PKHD1: variants seen among roughly 807,000 people sequenced by gnomAD.
PKHD1 encodes PKHD1 ciliary IPT domain containing fibrocystin/polyductin, also known as fibrocystin.
PKHD1 carries 291 observed loss-of-function variants against 412.0 expected under a neutral mutation model. The ratio of observed to expected loss-of-function variants is 0.71; its 90% CI spans 0.64 to 0.78. The LOEUF (loss-of-function observed/expected upper bound fraction) is 0.78. PKHD1 is among the 30% of genes least tolerant of loss of function. PKHD1 has a pLI of 0.00. For synonymous variants in PKHD1, 1,777 were observed against 1,821.5 expected (o/e 0.98, Z 0.62); for missense variants, 4,825 against 4,950.7 (o/e 0.97, Z 0.76).
At chr6:51,927,916 T>C (rs1024736025) in intron 37 of PKHD1, among the ~76,000 whole-genome samples, 2 of 151,854 alleles carry the variant, frequency 1.3e-5, no homozygotes, top group South Asian at 2.1e-4. Context: ...GGCTTCCACA[T>C]TGAGAAACTG....
At chr6:51,761,741 G>A (rs938733106) in intron 55 of PKHD1, among the ~76,000 whole-genome samples, 3 of 151,840 alleles carry the variant, frequency 2.0e-5, no homozygotes, top group East Asian at 1.9e-4. Context: ...AAAATAAAAC[G>A]AAATAAGTCA....
At chr6:51,934,789 AT>A (rs1787210789) in intron 36 of PKHD1, among the ~76,000 whole-genome samples, 1 of 152,210 alleles carries the variant, frequency 6.6e-6, no homozygotes, top group Non-Finnish European at 1.5e-5. Context: ...ACCAGCATCC[AT>A]TATACTTTCT....
At chr6:51,961,466 G>C in intron 35 of PKHD1, among the ~76,000 whole-genome samples, 1 of 152,052 alleles carries the variant, frequency 6.6e-6, no homozygotes. Context: ...AAAAAGAATA[G>C]GTGATCCAGG....
intron 6 of PKHD1, 99 bp downstream of exon 6, chr6:52,076,177 G>T: frequency 1.2e-6 from 1 of 803,836 alleles, no homozygotes; most frequent in South Asian, 1.4e-5. Context: ...CAAAGAAGAA[G>T]TTAAATTTTC....
Position 51,708,940 on chromosome 6 carries a change from G to C in PKHD1, c.10156+35445C>G, listed in dbSNP as rs147799218. On this transcript the variant is annotated intron_variant, in intron 60 of 66. Transcript: ENST00000371117. ...AGGAGAAAGGGAAGAAAGAGCAGGA[G>C]AAGGAGAAATGAAGACCATTTATGG... Among the ~76,000 whole-genome samples the C allele has an allele frequency of 4.7e-3, 715 of 152,330 alleles. 4 individuals carry two copies. Among genetic ancestry groups the C allele is most frequent in the African/African-American group, 0.016 (681 of 41,582 alleles).
chr6:51,887,396 T>C, intron 43 of PKHD1, 151 bp from the exon 44 acceptor site: 2 of 679,318 alleles, frequency 2.9e-6, no homozygotes, highest in Non-Finnish European at 2.6e-6. Context: ...TATTCTTTTT[T>C]TTTCCTTTTG....
intron 27 of PKHD1, among the ~76,000 whole-genome samples, chr6:52,040,795 T>C (rs1484878112): frequency 6.6e-6 from 1 of 152,206 alleles, no homozygotes; most frequent in Non-Finnish European, 1.5e-5. Context: ...CCAATGACTA[T>C]ACCATCACAA....
In PKHD1 at chr6:52,027,836, G is replaced by A. The variant is rs1581824974; in HGVS notation, c.3621C>T (p.Ser1207=). ...CACATAAGAGCCACTCACCCAGCAG[G>A]GACCCACAGCAAGGCTCGATGCTGA... ...EVFSIEPCCG[S]LLGGTILSIS... is the part of the protein sequence containing the mutation. Residue 1207 remains serine, a synonymous_variant, in exon 31 of 67, where the codon TCC becomes TCT. Transcript: ENST00000371117. 5 of 1,610,036 alleles carry A rather than the reference G, an allele frequency of 3.1e-6. No individual in the cohort carries two copies. The highest frequency in any genetic ancestry group is 1.7e-5 in the Admixed American group (1 of 60,022).
Position 52,006,793 on chromosome 6 carries a change from G to A in PKHD1, c.5751+3516C>T, listed in dbSNP as rs868661588. Among the ~76,000 whole-genome samples, 7 of 152,232 alleles carry A rather than the reference G, an allele frequency of 4.6e-5. No individual in the cohort carries two copies. The East Asian group carries it at 7.7e-4, about 17-fold the overall frequency. On this transcript the variant is annotated intron_variant, in intron 35 of 66. Coordinates refer to ENST00000371117, the MANE Select transcript of PKHD1 (RefSeq NM_138694.4). ...GTGAGATTTTGGTGCATCCATCACC[G>A]GAGCAGTATACACTGAACCCAATTT... is the stretch of plus-strand genomic sequence containing the variant.
intron 32 of PKHD1, 43 bp from the exon 33 acceptor site, chr6:52,022,987 C>T (rs1801630027): frequency 1.2e-6 from 2 of 1,611,334 alleles, no homozygotes; most frequent in Non-Finnish European, 1.7e-6. Flanking sequence ...ACAGGCAAAT[C>T]TCCCTTCTTT....
chr6:51,947,083 C>T (rs1789570081), intron 36 of PKHD1, among the ~76,000 whole-genome samples: 1 of 152,146 alleles, frequency 6.6e-6, no homozygotes, highest in Admixed American at 6.5e-5. Context: ...CTTTTGAACC[C>T]TCCCTGGTCA....
intron 65 of PKHD1, among the ~76,000 whole-genome samples, chr6:51,628,578 T>C (rs1767561656): frequency 1.3e-5 from 2 of 152,200 alleles, no homozygotes; most frequent in Admixed American, 1.3e-4. Context: ...TTTATATTCT[T>C]TTGGGTATAT....
chr6:51,920,329 A>G (rs1486683765), intron 37 of PKHD1, among the ~76,000 whole-genome samples: 3 of 152,216 alleles, frequency 2.0e-5, no homozygotes, highest in African/African-American at 7.2e-5. Flanking sequence ...CAGAGTTTTT[A>G]GATGAAGGGC....
chr6:51,780,258 C>A (rs1791760985), intron 53 of PKHD1, among the ~76,000 whole-genome samples: 1 of 151,968 alleles, frequency 6.6e-6, no homozygotes, highest in South Asian at 2.1e-4. Flanking sequence ...TGGTGCGACG[C>A]ACCTGTAGTC....
intron 64 of PKHD1, among the ~76,000 whole-genome samples, chr6:51,637,747 T>C (rs1768772398): frequency 6.6e-6 from 1 of 151,796 alleles, no homozygotes; most frequent in African/African-American, 2.4e-5. Context: ...CTACTAAAAA[T>C]ACAAAAATTA....
chr6:51,960,027 C>G lies in PKHD1; in HGVS notation c.5752-1G>C. 6.2e-7 allele frequency: 1 copy of G among 1,613,118 alleles called. No individual in the cohort carries two copies. The highest frequency in any genetic ancestry group is 1.1e-5 in the South Asian group (1 of 91,050). ...GGCAGAACTGTAAAGAAAAGTTGCC[C>G]TGGAAAACAGAGAGCTGGGTTGGTG... On this transcript the variant is annotated splice_acceptor_variant, in intron 35 of 66. Coordinates refer to ENST00000371117, the MANE Select transcript of PKHD1 (RefSeq NM_138694.4). LOFTEE classifies it high-confidence loss of function.
At chr6:51,753,004 T>C (rs1354002936) in intron 57 of PKHD1, among the ~76,000 whole-genome samples, 197 bp downstream of exon 57, 1 of 152,204 alleles carries the variant, frequency 6.6e-6, no homozygotes, top group Non-Finnish European at 1.5e-5. Flanking sequence ...TGCTGACCAC[T>C]AGTATATTAT....
At chr6:51,953,031 G>C (rs557147990) in intron 36 of PKHD1, among the ~76,000 whole-genome samples, 1 of 152,098 alleles carries the variant, frequency 6.6e-6, no homozygotes, top group Non-Finnish European at 1.5e-5. Context: ...AACCATAAAA[G>C]AGTCTGTGAC....
At chr6:51,938,050 T>C (rs1268441631) in intron 36 of PKHD1, among the ~76,000 whole-genome samples, 1 of 152,178 alleles carries the variant, frequency 6.6e-6, no homozygotes, top group African/African-American at 2.4e-5. Context: ...TAAACAAGGA[T>C]GATAATAGCC....
Sources: gnomAD v4.1 joint callset for allele counts (sites outside exome capture counted in the v4.1 genomes callset) on GRCh38, gnomAD v4.1.1 for gene constraint, MANE v1.5 for transcripts, NCBI Gene and HGNC (gene_info 2026-07-23, HGNC 2026-07-21) for gene names.